Variants in SCAPER observed in about 807,000 individuals in gnomAD.
The protein encoded by SCAPER is S phase cyclin A-associated protein in the endoplasmic reticulum.
In SCAPER, 98 loss-of-function variants were observed where a neutral mutation model predicts 182.2. The ratio of observed to expected loss-of-function variants is 0.54; its 90% CI spans 0.46 to 0.64. The LOEUF (loss-of-function observed/expected upper bound fraction) is 0.64. Ranked by LOEUF, SCAPER falls within the 30% of genes least tolerant of loss-of-function variation. The pLI is 0.00. For missense variants in SCAPER, 1,432 were observed against 1,690.0 expected (o/e 0.85, Z 2.68); for synonymous variants, 605 against 564.6 (o/e 1.07, Z -1.01).
At chr15:76,358,336 C>T (rs545714269) in intron 29 of SCAPER, among the ~76,000 whole-genome samples, 1 of 152,196 alleles carries the variant, frequency 6.6e-6, no homozygotes, top group Non-Finnish European at 1.5e-5. Flanking sequence ...ACCTGGAAAC[C>T]GTAGGTGAAT....
intron 21 of SCAPER, among the ~76,000 whole-genome samples, chr15:76,643,718 C>T (rs1271650724): frequency 6.6e-6 from 1 of 151,986 alleles, no homozygotes; most frequent in Non-Finnish European, 1.5e-5. Flanking sequence ...TCTTTGTTAA[C>T]CTAAGCTATC....
chr15:76,773,768 T>TA (rs910421209), intron 9 of SCAPER, among the ~76,000 whole-genome samples: 2 of 151,682 alleles, frequency 1.3e-5, no homozygotes, highest in African/African-American at 4.8e-5. Context: ...ATCCTACAGG[T>TA]AAAAAGAGAA....
intron 23 of SCAPER, among the ~76,000 whole-genome samples, chr15:76,557,010 T>C (rs1459823086): frequency 1.3e-5 from 2 of 152,070 alleles, no homozygotes; most frequent in Non-Finnish European, 2.9e-5. Context: ...CCATTCACAA[T>C]AGCCACAAAA....
At chr15:76,576,337 C>G (rs1348097077) in intron 22 of SCAPER, among the ~76,000 whole-genome samples, 2 of 152,118 alleles carry the variant, frequency 1.3e-5, no homozygotes, top group Non-Finnish European at 2.9e-5. Flanking sequence ...TCAGCCCGGG[C>G]AACAGAGTGA....
chr15:76,722,290 G>T (rs2060293925), intron 17 of SCAPER, among the ~76,000 whole-genome samples: 2 of 152,168 alleles, frequency 1.3e-5, no homozygotes, highest in African/African-American at 4.8e-5. Context: ...CTTGATCATG[G>T]TGGATAAGCT....
At chr15:76,820,892 C>A (rs1326063667) in intron 5 of SCAPER, among the ~76,000 whole-genome samples, 1 of 152,048 alleles carries the variant, frequency 6.6e-6, no homozygotes, top group Admixed American at 6.5e-5. Context: ...CATCATAAGT[C>A]ATCAGGGAAA....
At chr15:76,491,107 TA>T (rs778005752) in intron 24 of SCAPER, among the ~76,000 whole-genome samples, 169 of 151,680 alleles carry the variant, frequency 1.1e-3, no homozygotes, top group Non-Finnish European at 2.0e-3. Context: ...AATTTCTAGC[TA>T]AAAAAAAATC....
At chr15:76,511,770 C>T (rs2042040208) in intron 23 of SCAPER, among the ~76,000 whole-genome samples, 1 of 151,790 alleles carries the variant, frequency 6.6e-6, no homozygotes, top group Admixed American at 6.6e-5. Flanking sequence ...GGGGACTGCA[C>T]TCAGTAATTG....
intron 30 of SCAPER, 64 bp from the exon 31 acceptor site, chr15:76,351,352 G>T: frequency 1.4e-6 from 2 of 1,435,174 alleles, no homozygotes; most frequent in Non-Finnish European, 1.9e-6. Flanking sequence ...ACTAAGGGTG[G>T]CTTTAAATAT....
Position 76,421,182 on chromosome 15 carries a change from TG to T in SCAPER, c.3311+12895del, listed in dbSNP as rs2046010711. Among the ~76,000 whole-genome samples the T allele has an allele frequency of 2.6e-5, 4 of 152,370 alleles. No homozygotes were observed. The South Asian group carries it at 8.3e-4, about 32-fold the overall frequency. On this transcript the variant is annotated intron_variant, in intron 26 of 31. Transcript: ENST00000563290. ...AGTGGTATTTCTAGTTCTAGATCCT[TG>T]AGGAATTGCCACACTGTCTTCCACA...
chr15:76,820,172 T>A (rs2067419255), intron 5 of SCAPER, among the ~76,000 whole-genome samples: 1 of 152,156 alleles, frequency 6.6e-6, no homozygotes, highest in African/African-American at 2.4e-5. Flanking sequence ...ATTGTGGAAG[T>A]CGGTGTGGCG....
chr15:76,658,323 AAG>A, intron 21 of SCAPER, among the ~76,000 whole-genome samples: 1 of 152,312 alleles, frequency 6.6e-6, no homozygotes, highest in South Asian at 2.1e-4. Context: ...AGCCACAAAA[AAG>A]AATGAAATAC....
Position 76,476,595 on chromosome 15 carries a change from A to ATTTTTT in SCAPER, c.2955-5266_2955-5261dup, listed in dbSNP as rs5813839. 8.3e-3 allele frequency among the ~76,000 whole-genome samples: 607 copies of ATTTTTT among 73,530 alleles called. 67 individuals carry two copies. Among genetic ancestry groups the ATTTTTT allele is most frequent in the African/African-American group, 0.024 (449 of 18,956 alleles). The allele number at this position is 73,530 out of a possible 152,430, so 48.2% of individuals were successfully genotyped here. On this transcript the variant is annotated intron_variant, in intron 24 of 31. Transcript: ENST00000563290. ...AGGTACACACCACAACACCCAGCTA[A>ATTTTTT]TTTTTTTTTTTTTTTTTTTTTTTTT...
At chr15:76,665,531 A>G (rs938298034) in intron 21 of SCAPER, 122 bp downstream of exon 21, 1 of 1,162,908 alleles carries the variant, frequency 8.6e-7, no homozygotes, top group South Asian at 2.0e-5. Flanking sequence ...TAGGCTCATC[A>G]GTGTTATTTC....
intron 17 of SCAPER, among the ~76,000 whole-genome samples, chr15:76,708,578 C>T (rs1026730590): frequency 2.6e-5 from 4 of 151,862 alleles, no homozygotes; most frequent in African/African-American, 4.8e-5. Flanking sequence ...GAAGGCAAAG[C>T]TAATCAAACC....
At chr15:76,428,687 C>T (rs1270942356) in intron 26 of SCAPER, among the ~76,000 whole-genome samples, 1 of 151,418 alleles carries the variant, frequency 6.6e-6, no homozygotes, top group African/African-American at 2.4e-5. Context: ...GGGTACAAGG[C>T]TACAATTAAA....
At chr15:76,802,300 C>T (rs1206630242) in intron 6 of SCAPER, among the ~76,000 whole-genome samples, 1 of 152,136 alleles carries the variant, frequency 6.6e-6, no homozygotes, top group African/African-American at 2.4e-5. Flanking sequence ...ATTTCTGTTT[C>T]TCTCTGTAAA....
chr15:76,539,780 C>T (rs1393806329), intron 23 of SCAPER, among the ~76,000 whole-genome samples: 4 of 152,156 alleles, frequency 2.6e-5, no homozygotes, highest in Admixed American at 2.0e-4. Context: ...CTCCTGACCT[C>T]GTGATCTGCC....
Position 76,775,089 on chromosome 15 carries a change from G to C in SCAPER, c.801C>G (p.Thr267=), listed in dbSNP as rs756873352. The change falls in exon 9 of 32, where the codon ACC becomes ACG. Residue 267 remains threonine (T), a synonymous_variant. Transcript: ENST00000563290. ...NERKDAEGWE[T]VQRGRPIRSR... ...AACGAATAGGCCTTCCTCTCTGAAC[G>C]GTCTCCCATCCTTCAGCATCTTTCC... is the stretch of plus-strand genomic sequence containing the variant. The C allele has an allele frequency of 5.6e-6, 9 of 1,612,906 alleles. No individual in the cohort carries two copies. The highest frequency in any genetic ancestry group is 2.2e-5 in the South Asian group (2 of 90,988).
Sources: allele counts gnomAD v4.1 joint callset (sites outside exome capture counted in the v4.1 genomes callset), GRCh38; gene constraint gnomAD v4.1.1; transcripts MANE v1.5; gene names NCBI Gene and HGNC (gene_info 2026-07-23, HGNC 2026-07-21).